The following ARHGAP42 variants were observed in gnomAD, a reference collection of about 807,000 sequenced individuals.
ARHGAP42 encodes Rho GTPase activating protein 42.
Under a neutral mutation model 125.0 loss-of-function variants are expected in ARHGAP42, and 63 were observed. That is an observed-to-expected ratio of 0.50 (90% CI 0.41 to 0.62). The LOEUF (loss-of-function observed/expected upper bound fraction) is 0.62. Among genes scored for constraint, ARHGAP42 ranks in the 20% least tolerant of loss-of-function variants. ARHGAP42 has a pLI of 0.00. For synonymous variants in ARHGAP42, 339 were observed against 351.0 expected (o/e 0.97, Z 0.38); for missense variants, 766 against 1,024.2 (o/e 0.75, Z 3.44).
intron 5 of ARHGAP42, among the ~76,000 whole-genome samples, chr11:100,915,061 A>G (rs1237144842): frequency 2.0e-5 from 3 of 152,148 alleles, no homozygotes; most frequent in Non-Finnish European, 4.4e-5. Flanking sequence ...TTATTAACAC[A>G]TGCTATTAAA....
chr11:100,690,635 C>A (rs1158552363), intron 1 of ARHGAP42, among the ~76,000 whole-genome samples: 1 of 152,112 alleles, frequency 6.6e-6, no homozygotes, highest in South Asian at 2.1e-4. Flanking sequence ...CTCGCTCTGT[C>A]GCCCAGGCTG....
At chr11:100,766,426 A>T (rs1591163599) in intron 1 of ARHGAP42, among the ~76,000 whole-genome samples, 1 of 152,310 alleles carries the variant, frequency 6.6e-6, no homozygotes, top group Middle Eastern at 3.4e-3. Flanking sequence ...CTCAACAACA[A>T]ATTTTAAAAT....
intron 4 of ARHGAP42, among the ~76,000 whole-genome samples, chr11:100,860,883 A>T (rs1865429750): frequency 6.6e-6 from 1 of 152,202 alleles, no homozygotes; most frequent in Non-Finnish European, 1.5e-5. Context: ...ATGTTAATTA[A>T]TTCAGCAAAT....
chr11:100,837,676 T>TA lies in ARHGAP42; in HGVS notation c.313-21878_313-21877insA, dbSNP rs1565235520. ...AATCTAGGTGTCATCCTTTTTTTTT[T>TA]TTTTTTTTTTTTTTTTTTTTTAGTA... On this transcript the variant is annotated intron_variant, in intron 3 of 23. Transcript: ENST00000298815. Among the ~76,000 whole-genome samples, 15 of 137,918 alleles carry TA rather than the reference T, an allele frequency of 1.1e-4. 1 individual carries two copies. Among genetic ancestry groups the TA allele is most frequent in the South Asian group, 9.9e-4 (4 of 4,040 alleles). 90.5% of individuals were successfully genotyped at this position (137,918 alleles called of 152,430 possible).
At chr11:100,959,630 G>A (rs762556284) in intron 12 of ARHGAP42, among the ~76,000 whole-genome samples, 1 of 152,084 alleles carries the variant, frequency 6.6e-6, no homozygotes, top group South Asian at 2.1e-4. Context: ...GCTATTTTTA[G>A]GAAAAGTGGA....
intron 6 of ARHGAP42, among the ~76,000 whole-genome samples, chr11:100,924,495 C>T (rs915784459): frequency 4.0e-5 from 6 of 151,686 alleles, no homozygotes; most frequent in Non-Finnish European, 5.9e-5. Flanking sequence ...GGTGAAACCC[C>T]GTCTCTACTA....
chr11:100,989,476 G>A lies in ARHGAP42; in HGVS notation c.*675G>A, dbSNP rs2135339761. On this transcript the variant is annotated 3_prime_UTR_variant, in exon 24 of 24. Transcript: ENST00000298815. ...CAGACACCTTCAGCAAACTTTTTCT[G>A]TAAAGGCCTGATAGCAAATATTTTT... 1 of 205,962 alleles carries A rather than the reference G, an allele frequency of 4.9e-6. No homozygotes were observed. Among genetic ancestry groups the A allele is most frequent in the Non-Finnish European group, 9.6e-6 (1 of 103,778 alleles). The allele number at this position is 205,962 out of a possible 1,614,324, so 12.8% of individuals were successfully genotyped here.
chr11:100,867,387 G>A (rs1865594619), intron 4 of ARHGAP42, among the ~76,000 whole-genome samples: 1 of 152,186 alleles, frequency 6.6e-6, no homozygotes, highest in South Asian at 2.1e-4. Context: ...TATATCTTCT[G>A]GATAACTTGC....
intron 4 of ARHGAP42, among the ~76,000 whole-genome samples, chr11:100,904,646 C>T (rs1866671671): frequency 6.6e-6 from 1 of 152,164 alleles, no homozygotes; most frequent in South Asian, 2.1e-4. Context: ...CCCACCTGAC[C>T]TCCCCACCTT....
At chr11:100,924,090 G>T (rs1446243393) in intron 6 of ARHGAP42, among the ~76,000 whole-genome samples, 1 of 152,054 alleles carries the variant, frequency 6.6e-6, no homozygotes, top group East Asian at 1.9e-4. Flanking sequence ...ATTCTTGTTT[G>T]CATTGCTGTT....
chr11:100,696,191 CT>C (rs1861279945), intron 1 of ARHGAP42, among the ~76,000 whole-genome samples: 1 of 152,092 alleles, frequency 6.6e-6, no homozygotes, highest in Non-Finnish European at 1.5e-5. Context: ...TGCCACTCCA[CT>C]TCAGCCTGCA....
At chr11:100,835,508 T>G (rs1864765232) in intron 3 of ARHGAP42, among the ~76,000 whole-genome samples, 1 of 152,168 alleles carries the variant, frequency 6.6e-6, no homozygotes, top group South Asian at 2.1e-4. Flanking sequence ...ACTGTTTCTT[T>G]GTGGCCAAGC....
intron 4 of ARHGAP42, among the ~76,000 whole-genome samples, chr11:100,884,697 C>A (rs757174740): frequency 6.6e-6 from 1 of 152,160 alleles, no homozygotes; most frequent in African/African-American, 2.4e-5. Context: ...CCCCGTCCCA[C>A]TACCCTGCTG....
At chr11:100,763,934 G>A (rs1862768520) in intron 1 of ARHGAP42, among the ~76,000 whole-genome samples, 3 of 151,946 alleles carry the variant, frequency 2.0e-5, no homozygotes, top group Admixed American at 6.6e-5. Flanking sequence ...AGCAGGTAAA[G>A]GATTCGTTAA....
At chr11:100,855,369 C>T (rs886757292) in intron 3 of ARHGAP42, among the ~76,000 whole-genome samples, 4 of 151,802 alleles carry the variant, frequency 2.6e-5, no homozygotes, top group African/African-American at 2.4e-5. Flanking sequence ...TTAATCAAAA[C>T]CTGGAAAGGG....
chr11:100,741,814 A>G (rs559380389), intron 1 of ARHGAP42, among the ~76,000 whole-genome samples: 2 of 152,298 alleles, frequency 1.3e-5, no homozygotes, highest in African/African-American at 4.8e-5. Context: ...GAAAATTGTT[A>G]TTTTGCCCTT....
intron 4 of ARHGAP42, among the ~76,000 whole-genome samples, chr11:100,863,056 CAAA>C (rs1331714266): frequency 3.0e-3 from 166 of 55,788 alleles, no homozygotes; most frequent in South Asian, 0.027. Flanking sequence ...AAAAAAAACA[CAAA>C]ACACACACAC....
intron 22 of ARHGAP42, chr11:100,986,442 G>T (rs1276871190): frequency 4.9e-6 from 1 of 204,110 alleles, no homozygotes; most frequent in Non-Finnish European, 9.9e-6. Flanking sequence ...ACACAAAGAG[G>T]CAGGGGAGAC....
intron 4 of ARHGAP42, among the ~76,000 whole-genome samples, chr11:100,893,631 T>C (rs1866276399): frequency 6.6e-6 from 1 of 152,150 alleles, no homozygotes; most frequent in African/African-American, 2.4e-5. Context: ...TTTAAAAATC[T>C]ATATAAATTA....
Sources: gnomAD v4.1 joint callset for allele counts (sites outside exome capture counted in the v4.1 genomes callset) on GRCh38, gnomAD v4.1.1 for gene constraint, MANE v1.5 for transcripts, NCBI Gene and HGNC (gene_info 2026-07-23, HGNC 2026-07-21) for gene names.